Variants in SHANK2 observed in about 807,000 individuals in gnomAD.
SHANK2 encodes the protein SH3 and multiple ankyrin repeat domains protein 2.
A neutral mutation model predicts 133.7 loss-of-function variants in SHANK2; 43 were observed. That is an observed-to-expected ratio of 0.32 (90% CI 0.25 to 0.41). The LOEUF (loss-of-function observed/expected upper bound fraction) is 0.41. Among genes scored for constraint, SHANK2 ranks in the 10% least tolerant of loss-of-function variants. The pLI, the probability that SHANK2 is intolerant of heterozygous loss-of-function variation, is 1.00. For synonymous variants in SHANK2, 1,017 were observed against 952.8 expected (o/e 1.07, Z -1.24); for missense variants, 1,994 against 2,235.8 (o/e 0.89, Z 2.18).
intron 10 of SHANK2, among the ~76,000 whole-genome samples, chr11:71,056,086 G>T (rs1950915564): frequency 6.6e-6 from 1 of 152,166 alleles, no homozygotes; most frequent in East Asian, 1.9e-4. Flanking sequence ...CGGACCCCAT[G>T]GGGGTGCCAA....
chr11:70,502,922 C>G lies in SHANK2; in HGVS notation c.2071G>C (p.Glu691Gln). 1 of 1,614,130 alleles carries G rather than the reference C, an allele frequency of 6.2e-7. No homozygotes were observed. Among genetic ancestry groups the G allele is most frequent in the Non-Finnish European group, 8.5e-7 (1 of 1,180,016 alleles). The part of the protein sequence containing the change: ...TGDFLIEVNN[E>Q]NVVKVGHRQV... ...CTGTGGCCGACTTTGACAACATTCT[C>G]ATTGTTAACCTGTGGGAAGGCGGAG... Residue 691 changes from glutamate to glutamine, a missense_variant, in exon 18 of 26, where the codon GAG (glutamate) becomes CAG (glutamine). Glu to Gln is a conservative substitution (Grantham distance 29, BLOSUM62 2). Coordinates refer to ENST00000601538, the MANE Select transcript of SHANK2 (RefSeq NM_012309.5).
chr11:71,165,424 C>T (rs769678917), intron 2 of SHANK2, among the ~76,000 whole-genome samples: 1 of 152,288 alleles, frequency 6.6e-6, no homozygotes, highest in Middle Eastern at 3.4e-3. Flanking sequence ...CTCTTGCAGA[C>T]CTCCCTGGGA....
intron 2 of SHANK2, among the ~76,000 whole-genome samples, chr11:71,191,146 G>C (rs558385140): frequency 6.7e-6 from 1 of 150,252 alleles, no homozygotes; most frequent in East Asian, 1.9e-4. Flanking sequence ...ACTCCAGCCT[G>C]GGCAACAGAG....
At chr11:70,552,257 A>G (rs1239915292) in intron 17 of SHANK2, among the ~76,000 whole-genome samples, 1 of 152,176 alleles carries the variant, frequency 6.6e-6, no homozygotes, top group Non-Finnish European at 1.5e-5. Flanking sequence ...GCGAGCAGAC[A>G]GAGTGGGCCT....
chr11:70,546,144 G>C (rs1291577883), intron 17 of SHANK2, among the ~76,000 whole-genome samples: 1 of 137,446 alleles, frequency 7.3e-6, no homozygotes, highest in African/African-American at 2.9e-5. Context: ...ACACTATGCT[G>C]CTTAGGCTGG....
Position 70,559,338 on chromosome 11 carries a change from T to A in SHANK2, c.2062-56407A>T, listed in dbSNP as rs138560629. 7.2e-4 allele frequency among the ~76,000 whole-genome samples: 109 copies of A among 152,332 alleles called. 1 individual carries two copies. The East Asian group carries it at 0.02, about 28-fold the overall frequency. On this transcript the variant is annotated intron_variant, in intron 17 of 25. Coordinates refer to ENST00000601538, the MANE Select transcript of SHANK2 (RefSeq NM_012309.5). The stretch of plus-strand genomic sequence containing the variant: ...CCCGGCCCATAGACCCTATTTTTTT[T>A]AGAACACTTTTAGCTTTACCAAAAG...
At chr11:70,936,684 A>G (rs1208963498) in intron 10 of SHANK2, among the ~76,000 whole-genome samples, 1 of 152,150 alleles carries the variant, frequency 6.6e-6, no homozygotes, top group Admixed American at 6.5e-5. Context: ...CAGAGCTGAA[A>G]CAGTTCTCCA....
rs115329414 is a variant in SHANK2 at position 70,844,094 on chromosome 11, C to T, written c.1175-23412G>A. Among the ~76,000 whole-genome samples the T allele has an allele frequency of 3.7e-3, 567 of 152,222 alleles. 5 individuals are homozygous for T. Among genetic ancestry groups the T allele is most frequent in the African/African-American group, 0.013 (544 of 41,530 alleles). On this transcript the variant is annotated intron_variant, in intron 11 of 25. Coordinates refer to ENST00000601538, the MANE Select transcript of SHANK2 (RefSeq NM_012309.5). ...GGGAGCTCCCTGGGGGATGAGTGGG[C>T]GCCTCCATCCATCCACACACACCCA...
At chr11:71,215,893 C>G (rs1954401309) in intron 2 of SHANK2, among the ~76,000 whole-genome samples, 1 of 152,180 alleles carries the variant, frequency 6.6e-6, no homozygotes. Flanking sequence ...TGCTGATGCT[C>G]AAATCAAATC....
At chr11:71,124,773 T>A (rs1295466575) in intron 3 of SHANK2, among the ~76,000 whole-genome samples, 1 of 152,206 alleles carries the variant, frequency 6.6e-6, no homozygotes, top group Non-Finnish European at 1.5e-5. Context: ...ATTAGAGGCA[T>A]ATCCCATTCT....
rs1953339296 is a variant in SHANK2 at position 71,172,600 on chromosome 11, AAAAAAAAAAAAAG to A, written c.-12-25275_-12-25263del. Reference sequence around the variant, plus strand: ...GTGACAGAGTGAGACTCTGTCTCAAAAAAAAAAAAAAAGAAAAAAAGAAAAAAGAAAAGAAAAG... The same window carrying A: ...GTGACAGAGTGAGACTCTGTCTCAAAAAAAAAAGAAAAAAGAAAAGAAAAG... On this transcript the variant is annotated intron_variant, in intron 2 of 25. Transcript: ENST00000601538. Among the ~76,000 whole-genome samples the A allele has an allele frequency of 2.7e-5, 4 of 150,518 alleles. No homozygotes were observed. The South Asian group carries it at 6.3e-4, about 24-fold the overall frequency.
At chr11:70,506,205 C>A (rs1183367888) in intron 17 of SHANK2, among the ~76,000 whole-genome samples, 2 of 152,220 alleles carry the variant, frequency 1.3e-5, no homozygotes, top group Admixed American at 6.5e-5. Context: ...AGCCTGGGTG[C>A]ACGTTCTGGT....
chr11:71,184,890 T>C (rs562330091), intron 2 of SHANK2, among the ~76,000 whole-genome samples: 1 of 152,226 alleles, frequency 6.6e-6, no homozygotes, highest in African/African-American at 2.4e-5. Flanking sequence ...ACTACCCAGA[T>C]GCACCATCAT....
intron 17 of SHANK2, among the ~76,000 whole-genome samples, chr11:70,645,531 A>G (rs2061248266): frequency 6.6e-6 from 1 of 152,232 alleles, no homozygotes; most frequent in Admixed American, 6.5e-5. Flanking sequence ...CCCGGAAAAG[A>G]TGAGGCTGGG....
intron 9 of SHANK2, among the ~76,000 whole-genome samples, chr11:71,057,886 T>C (rs1460778617): frequency 4.0e-5 from 6 of 150,712 alleles, no homozygotes; most frequent in African/African-American, 1.5e-4. Flanking sequence ...GCTTATATTA[T>C]TTAATGTTGT....
rs1951021660 is a variant in SHANK2, at chr11:71,064,367, AC to A, written c.1030-7810del. Among the ~76,000 whole-genome samples, 2 of 152,132 alleles carry A rather than the reference AC, an allele frequency of 1.3e-5. 1 individual carries two copies. Among genetic ancestry groups the A allele is most frequent in the African/African-American group, 4.8e-5 (2 of 41,430 alleles). ...GGACAGCTGGGCGGAGGCAGAGGCC[AC>A]CCCAGCAGAGCACCAAGAACCGAAG... On this transcript the variant is annotated intron_variant, in intron 9 of 25. Coordinates refer to ENST00000601538, the MANE Select transcript of SHANK2 (RefSeq NM_012309.5).
At chr11:71,217,125 G>A (rs1319747750) in intron 2 of SHANK2, among the ~76,000 whole-genome samples, 1 of 151,762 alleles carries the variant, frequency 6.6e-6, no homozygotes, top group African/African-American at 2.4e-5. Flanking sequence ...TGAACCCGGG[G>A]GGTAGAAGAT....
chr11:70,571,896 G>A (rs1407065683), intron 17 of SHANK2, among the ~76,000 whole-genome samples: 1 of 152,174 alleles, frequency 6.6e-6, no homozygotes, highest in African/African-American at 2.4e-5. Flanking sequence ...GAATGTCCAT[G>A]TCTCTGCAAC....
chr11:70,949,924 A>T (rs1431531750), intron 10 of SHANK2, among the ~76,000 whole-genome samples: 1 of 152,156 alleles, frequency 6.6e-6, no homozygotes, highest in Non-Finnish European at 1.5e-5. Flanking sequence ...GCAGAAATCT[A>T]TGGCTCACAG....
Sources: gnomAD v4.1 joint callset for allele counts (sites outside exome capture counted in the v4.1 genomes callset) on GRCh38, gnomAD v4.1.1 for gene constraint, MANE v1.5 for transcripts, NCBI Gene and HGNC (gene_info 2026-07-23, HGNC 2026-07-21) for gene names.